GPT2: variants seen among roughly 807,000 people sequenced by gnomAD.
GPT2 encodes the protein glutamic--pyruvic transaminase 2, also known as alanine aminotransferase 2.
Under a neutral mutation model 56.9 loss-of-function variants are expected in GPT2, and 30 were observed. The observed-to-expected ratio is 0.53, with a 90% CI of 0.39 to 0.72. The LOEUF is 0.72. GPT2 is among the 30% of genes least tolerant of loss of function. The pLI is 0.00. For missense variants in GPT2, 542 were observed against 703.4 expected (o/e 0.77, Z 2.60); for synonymous variants, 271 against 283.1 (o/e 0.96, Z 0.43).
rs1438316207 is a variant in GPT2 at position 46,897,638 on chromosome 16, C to G, written c.244-10C>G. On this transcript the variant is annotated splice_polypyrimidine_tract_variant and intron_variant, in intron 2 of 11. Coordinates refer to ENST00000340124, the MANE Select transcript of GPT2 (RefSeq NM_133443.4). Reference sequence around the variant, plus strand: ...TCTAAGTAACCACCTGTTGCTTTCTCTCTGCCCAGGGTATCAAAAAGCCAT... The same window carrying G: ...TCTAAGTAACCACCTGTTGCTTTCTGTCTGCCCAGGGTATCAAAAAGCCAT... 4.3e-6 allele frequency: 7 copies of G among 1,613,360 alleles called. No homozygotes were observed. The highest frequency in any genetic ancestry group is 1.1e-5 in the South Asian group (1 of 91,046).
intron 5 of GPT2, among the ~76,000 whole-genome samples, chr16:46,907,512 A>G (rs893523009): frequency 1.3e-5 from 2 of 152,218 alleles, no homozygotes; most frequent in Non-Finnish European, 2.9e-5. Context: ...GACCTGAGGG[A>G]CACACAGGAG....
In GPT2 at chr16:46,903,540, C is replaced by A. The variant is rs571556734; in HGVS notation, c.442+2750C>A. 7.9e-5 allele frequency among the ~76,000 whole-genome samples: 12 copies of A among 152,264 alleles called. No homozygotes were observed. The East Asian group carries it at 2.3e-3, about 30-fold the overall frequency. ...CAGGCTACTCTTGAACTCCTGGGCTCAAGCAATCATCCTGCCTCAGCCTCC... is the reference window on the plus strand; with the variant it reads ...CAGGCTACTCTTGAACTCCTGGGCTAAAGCAATCATCCTGCCTCAGCCTCC... On this transcript the variant is annotated intron_variant, in intron 4 of 11. Coordinates refer to ENST00000340124, the MANE Select transcript of GPT2 (RefSeq NM_133443.4).
intron 11 of GPT2, among the ~76,000 whole-genome samples, chr16:46,927,685 C>T (rs576127752): frequency 8.8e-4 from 134 of 152,148 alleles, no homozygotes; most frequent in Non-Finnish European, 1.7e-3. Flanking sequence ...GAGCTGTTAG[C>T]ACCCGGAGCC....
intron 2 of GPT2, among the ~76,000 whole-genome samples, chr16:46,894,349 G>A (rs1229849335): frequency 6.6e-6 from 1 of 152,212 alleles, no homozygotes; most frequent in African/African-American, 2.4e-5. Flanking sequence ...GTGAAGAATG[G>A]GCTGTATCCA....
intron 8 of GPT2, 22 bp from the exon 9 acceptor site, chr16:46,922,220 C>G (rs1197577229): frequency 6.2e-6 from 10 of 1,611,166 alleles, no homozygotes; most frequent in Non-Finnish European, 8.5e-6. Context: ...TGGTGGTCCT[C>G]TCCCTCTCTT....
chr16:46,927,171 C>T (rs1961435131), intron 11 of GPT2, 134 bp downstream of exon 11: 2 of 505,998 alleles, frequency 4.0e-6, no homozygotes, highest in Admixed American at 3.8e-5. Flanking sequence ...CACCCCTACT[C>T]TGTCCTGCTG....
chr16:46,929,032 G>A lies in GPT2; in HGVS notation c.*35G>A, dbSNP rs1462591422. 3.2e-6 allele frequency: 5 copies of A among 1,545,930 alleles called. No homozygotes were observed. The Admixed American group carries it at 8.4e-5, about 26-fold the overall frequency. ...AGCCCCAGCGGGAGACCTGTCCTTG[G>A]CTCTTCCTCCCAATGCCCGTCAGGC... On this transcript the variant is annotated 3_prime_UTR_variant, in exon 12 of 12. Coordinates refer to ENST00000340124, the MANE Select transcript of GPT2 (RefSeq NM_133443.4).
At chr16:46,922,709 T>TG (rs1018514442) in intron 9 of GPT2, among the ~76,000 whole-genome samples, 1 of 151,906 alleles carries the variant, frequency 6.6e-6, no homozygotes, top group Admixed American at 6.6e-5. Flanking sequence ...GATAACACAC[T>TG]GGGGGGACTC....
intron 2 of GPT2, among the ~76,000 whole-genome samples, chr16:46,893,810 C>G (rs767982224): frequency 6.6e-6 from 1 of 152,106 alleles, no homozygotes; most frequent in Non-Finnish European, 1.5e-5. Flanking sequence ...GAAGGTGGCT[C>G]TAGAATGCCG....
intron 10 of GPT2, among the ~76,000 whole-genome samples, chr16:46,925,109 A>T (rs907700841): frequency 2.0e-4 from 31 of 151,748 alleles, no homozygotes; most frequent in African/African-American, 7.3e-4. Context: ...ATGGGGTCTT[A>T]CTTTGTTGCC....
intron 8 of GPT2, among the ~76,000 whole-genome samples, chr16:46,920,082 G>A (rs372856904): frequency 3.5e-4 from 54 of 152,190 alleles, no homozygotes; most frequent in East Asian, 1.9e-4. Flanking sequence ...TTGGTGGTGC[G>A]CGCTTCCAGC....
At chr16:46,919,117 G>A (rs1438834904) in intron 8 of GPT2, among the ~76,000 whole-genome samples, 1 of 152,254 alleles carries the variant, frequency 6.6e-6, no homozygotes. Context: ...CTGACTGGCT[G>A]TGCTCTGGGT....
At chr16:46,887,004 C>T (rs969351215) in intron 2 of GPT2, among the ~76,000 whole-genome samples, 5 of 152,316 alleles carry the variant, frequency 3.3e-5, no homozygotes, top group African/African-American at 1.2e-4. Flanking sequence ...TAGATAGCCT[C>T]ATTGAAACCC....
chr16:46,917,737 TACAG>T (rs759870335), intron 7 of GPT2, among the ~76,000 whole-genome samples: 26 of 151,834 alleles, frequency 1.7e-4, no homozygotes, highest in Non-Finnish European at 3.4e-4. Flanking sequence ...CATATGTACA[TACAG>T]ACACACACAG....
intron 2 of GPT2, chr16:46,885,461 C>G (rs1322201290): frequency 1.0e-6 from 1 of 984,710 alleles, no homozygotes; most frequent in African/African-American, 1.7e-5. Flanking sequence ...TGTCTTTGGC[C>G]TTTAGGGTCT....
intron 10 of GPT2, among the ~76,000 whole-genome samples, chr16:46,925,511 C>T (rs1319321510): frequency 6.6e-6 from 1 of 152,092 alleles, no homozygotes; most frequent in African/African-American, 2.4e-5. Context: ...AAGTCTAGGC[C>T]CCATCCTAGA....
intron 9 of GPT2, chr16:46,923,747 G>T (rs1473518458): frequency 6.4e-6 from 1 of 157,284 alleles, no homozygotes; most frequent in Non-Finnish European, 1.4e-5. Context: ...GCTCTGCCTG[G>T]GTCCTGTGCT....
At chr16:46,894,026 C>T (rs373272504) in intron 2 of GPT2, among the ~76,000 whole-genome samples, 1 of 152,204 alleles carries the variant, frequency 6.6e-6, no homozygotes. Context: ...ACAGTTTCTT[C>T]TGCATGGTGG....
chr16:46,893,934 A>G (rs1248434380), intron 2 of GPT2, among the ~76,000 whole-genome samples: 1 of 152,016 alleles, frequency 6.6e-6, no homozygotes, highest in Non-Finnish European at 1.5e-5. Context: ...TGGACCAGTC[A>G]CTCTGGGAGT....
Sources: gnomAD v4.1 joint callset for allele counts (sites outside exome capture counted in the v4.1 genomes callset) on GRCh38, gnomAD v4.1.1 for gene constraint, MANE v1.5 for transcripts, NCBI Gene and HGNC (gene_info 2026-07-23, HGNC 2026-07-21) for gene names.